The following GEN1 variants were observed in gnomAD, a reference collection of about 807,000 sequenced individuals.
GEN1 encodes GEN1 structure-specific endonuclease.
Under a neutral mutation model 67.6 loss-of-function variants are expected in GEN1, and 64 were observed. The ratio of observed to expected loss-of-function variants is 0.95; its 90% CI spans 0.77 to 1.17. GEN1 has a LOEUF of 1.17. GEN1 is among the 50% of genes most tolerant of loss of function. The pLI is 0.00. For missense variants in GEN1, 1,058 were observed against 1,048.3 expected (o/e 1.01, Z -0.13); for synonymous variants, 371 against 359.4 (o/e 1.03, Z -0.37).
At chr2:17,776,216 T>C (rs1462785993) in intron 11 of GEN1, among the ~76,000 whole-genome samples, 2 of 152,066 alleles carry the variant, frequency 1.3e-5, no homozygotes, top group Non-Finnish European at 2.9e-5. Flanking sequence ...GCTATTATCC[T>C]GGACTCTTCA....
rs1361313229 is a variant in GEN1, at chr2:17,778,344, A to G, written c.1264+281A>G. On this transcript the variant is annotated intron_variant, in intron 12 of 13. Transcript: ENST00000381254. ...CACACGTGTACATATATGTATACAC[A>G]CACATGTGTGTACATATATGTATAT... Among the ~76,000 whole-genome samples the G allele has an allele frequency of 6.1e-5, 3 of 49,414 alleles. 1 individual carries two copies. The highest frequency in any genetic ancestry group is 2.1e-4 in the African/African-American group (3 of 14,168). The allele number at this position is 49,414 out of a possible 152,430, so 32.4% of individuals were successfully genotyped here.
At position 17,768,716 on chromosome 2, in the gene GEN1, T is replaced by A. The variant is rs367967438; in HGVS notation, c.637-22T>A. On this transcript the variant is annotated intron_variant, in intron 5 of 13. Transcript: ENST00000381254. ...TCCTAGTGATTAACATTGGAATTAT[T>A]TTTTTTCCCACTTTCTGAAAGGGAG... 7.0e-6 allele frequency: 11 copies of A among 1,566,758 alleles called. No homozygotes were observed. The African/African-American group carries it at 1.5e-4, about 21-fold the overall frequency.
intron 11 of GEN1, among the ~76,000 whole-genome samples, chr2:17,775,761 A>T (rs1672395715): frequency 6.6e-6 from 1 of 152,248 alleles, no homozygotes. Flanking sequence ...CCAATAAAAG[A>T]ACAATAGACT....
At position 17,773,149 on chromosome 2, in the gene GEN1, C is replaced by G. The variant is rs1388733745; in HGVS notation, c.990+17C>G. On this transcript the variant is annotated intron_variant, in intron 9 of 13. Coordinates refer to ENST00000381254, the MANE Select transcript of GEN1 (RefSeq NM_001130009.3). The stretch of plus-strand genomic sequence containing the variant: ...TTCCATGAGGTAATATCCAGTAATT[C>G]AACTCTATTAATTTTAGAAACTTTC... 6.4e-7 allele frequency: 1 copy of G among 1,572,324 alleles called. No homozygotes were observed. The highest frequency in any genetic ancestry group is 2.2e-4 in the Middle Eastern group (1 of 4,540).
upstream of GEN1, chr2:17,753,887 C>CT (rs1334980414): frequency 6.6e-6 from 1 of 152,226 alleles, no homozygotes; most frequent in Non-Finnish European, 1.5e-5. Flanking sequence ...CCGCCGGAGT[C>CT]TGAGAGGCCG....
chr2:17,766,334 AT>A (rs1671931486), intron 4 of GEN1, among the ~76,000 whole-genome samples: 1 of 151,912 alleles, frequency 6.6e-6, no homozygotes, highest in Admixed American at 6.6e-5. Flanking sequence ...CGCCTGGCTA[AT>A]TTTTTTGTAT....
intron 4 of GEN1, among the ~76,000 whole-genome samples, chr2:17,766,188 GA>G (rs1671923477): frequency 6.6e-6 from 1 of 151,718 alleles, no homozygotes; most frequent in African/African-American, 2.4e-5. Context: ...CTTTTTTTGA[GA>G]CGTAGTCTCA....
chr2:17,778,445 T>C lies in GEN1; in HGVS notation c.1264+382T>C, dbSNP rs13402590. On this transcript the variant is annotated intron_variant, in intron 12 of 13. Coordinates refer to ENST00000381254, the MANE Select transcript of GEN1 (RefSeq NM_001130009.3). ...GTACATATATGTATATACACACACA[T>C]ATATGTGTGTACATATATGTATATA... Among the ~76,000 whole-genome samples, 22 of 73,890 alleles carry C rather than the reference T, an allele frequency of 3.0e-4. 1 individual carries two copies. The highest frequency in any genetic ancestry group is 1.0e-3 in the African/African-American group (21 of 21,100). The allele number at this position is 73,890 out of a possible 152,430, so 48.5% of individuals were successfully genotyped here.
intron 1 of GEN1, chr2:17,755,268 C>T (rs1229754802): frequency 6.6e-6 from 1 of 152,206 alleles, no homozygotes; most frequent in African/African-American, 2.4e-5. Context: ...GGAACCGTTC[C>T]TTGATTCCTA....
chr2:17,765,043 T>C lies in GEN1; in HGVS notation c.495T>C (p.Thr165=), dbSNP rs201825923. 5.0e-6 allele frequency: 8 copies of C among 1,614,090 alleles called. No homozygotes were observed. The African/African-American group carries it at 1.1e-4, about 22-fold the overall frequency. The change falls in exon 4 of 14, where the codon ACT becomes ACC. Residue 165 remains threonine, a synonymous_variant. Coordinates refer to ENST00000381254, the MANE Select transcript of GEN1 (RefSeq NM_001130009.3). ...ATACTTTCCTTTATGGGGCCCAGAC[T>C]GTTTACAGGAATTTCACTATGAATA... ...DGDTFLYGAQ[T]VYRNFTMNTK...
intron 10 of GEN1, among the ~76,000 whole-genome samples, chr2:17,773,898 T>C (rs1417495497): frequency 6.6e-6 from 1 of 152,106 alleles, no homozygotes; most frequent in African/African-American, 2.4e-5. Flanking sequence ...ACATTAATAA[T>C]GACAGCCAAC....
At chr2:17,773,881 G>A (rs1398484295) in intron 10 of GEN1, among the ~76,000 whole-genome samples, 2 of 152,000 alleles carry the variant, frequency 1.3e-5, no homozygotes, top group African/African-American at 2.4e-5. Flanking sequence ...CATTAAGAAC[G>A]ACAGCCACAT....
intron 12 of GEN1, 88 bp downstream of exon 12, chr2:17,778,151 TATACACAC>T: frequency 2.0e-6 from 1 of 504,590 alleles, no homozygotes; most frequent in South Asian, 2.0e-5. Flanking sequence ...TATATATATA[TATACACAC>T]ACACATAGAT....
rs1558408595 is a variant in GEN1, at chr2:17,778,191, C to CACAGATATGTGTATATATATGTAT, written c.1264+131_1264+132insGATATGTGTATATATATGTATACA. ...AGATATGTGTATATATATATATACA[C>CACAGATATGTGTATATATATGTAT]ACACACATATATGTGTATATATATG... On this transcript the variant is annotated intron_variant, in intron 12 of 13. Coordinates refer to ENST00000381254, the MANE Select transcript of GEN1 (RefSeq NM_001130009.3). 9.9e-6 allele frequency: 4 copies of CACAGATATGTGTATATATATGTAT among 404,188 alleles called. No homozygotes were observed. In the Admixed American group the frequency reaches 1.5e-4, roughly 15 times the overall value. The allele number at this position is 404,188 out of a possible 1,614,324, so 25.0% of individuals were successfully genotyped here.
chr2:17,775,575 CA>C (rs1346717132), intron 11 of GEN1, among the ~76,000 whole-genome samples: 1 of 151,984 alleles, frequency 6.6e-6, no homozygotes, highest in African/African-American at 2.4e-5. Flanking sequence ...TAAAAAGTAC[CA>C]AACCAATCAG....
In GEN1 at chr2:17,780,667, G is replaced by A. The variant is rs1558412042; in HGVS notation, c.1455G>A (p.Met485Ile). Residue 485 changes from methionine to isoleucine, a missense_variant, in exon 14 of 14, where the codon ATG (methionine) becomes ATA (isoleucine). Transcript: ENST00000381254. ...ATTTGCCAGAACCAGATGAAGTAAT[G>A]AGCTTTCAGTCACACATGACTTTAA... ...ENNLPEPDEV[M>I]SFQSHMTLKP... 6.2e-7 allele frequency: 1 copy of A among 1,609,264 alleles called. No homozygotes were observed. Among genetic ancestry groups the A allele is most frequent in the African/African-American group, 1.3e-5 (1 of 74,692 alleles).
chr2:17,759,670 C>A (rs554272427), intron 1 of GEN1, among the ~76,000 whole-genome samples: 73 of 151,832 alleles, frequency 4.8e-4, no homozygotes, highest in East Asian at 1.4e-3. Flanking sequence ...TTCAAGTAGA[C>A]AAAAATGATT....
chr2:17,766,109 T>G (rs1282067777), intron 4 of GEN1, among the ~76,000 whole-genome samples: 1 of 152,184 alleles, frequency 6.6e-6, no homozygotes, highest in African/African-American at 2.4e-5. Context: ...AAATGTCAGA[T>G]TCTATAAAGA....
At position 17,783,026 on chromosome 2, in the gene GEN1, G is replaced by A. The variant is rs1672916604; in HGVS notation, c.*1087G>A. The A allele has an allele frequency of 6.6e-6, 1 of 152,080 alleles. No individual in the cohort carries two copies. The highest frequency in any genetic ancestry group is 2.1e-4 in the South Asian group (1 of 4,830). 9.4% of individuals were successfully genotyped at this position (152,080 alleles called of 1,614,324 possible). On this transcript the variant is annotated 3_prime_UTR_variant, in exon 14 of 14. Transcript: ENST00000381254. ...AGTTCATCCAGGTCGTAGAATACAA[G>A]ACCAATGTGCAATGATCATTGCATT... is the stretch of plus-strand genomic sequence containing the variant.
Sources: allele counts gnomAD v4.1 joint callset (sites outside exome capture counted in the v4.1 genomes callset), GRCh38; gene constraint gnomAD v4.1.1; transcripts MANE v1.5; gene names NCBI Gene and HGNC (gene_info 2026-07-23, HGNC 2026-07-21).